The following LINGO2 variants were observed in gnomAD, a reference collection of about 807,000 sequenced individuals.
LINGO2 encodes the protein leucine-rich repeat and immunoglobulin-like domain-containing nogo receptor-interacting protein 2.
A neutral mutation model predicts 30.6 loss-of-function variants in LINGO2; 14 were observed. The observed-to-expected ratio is 0.46, with a 90% CI of 0.30 to 0.72. The LOEUF is 0.72. Ranked by LOEUF, LINGO2 falls within the 30% of genes least tolerant of loss-of-function variation. The pLI, the probability that LINGO2 is intolerant of heterozygous loss-of-function variation, is 0.07. For synonymous variants in LINGO2, 317 were observed against 288.5 expected, an observed-to-expected ratio of 1.10 and a Z score of -1.00; for missense variants, 729 against 751.7, an observed-to-expected ratio of 0.97 and a Z score of 0.35.
At chr9:29,019,615 T>C in the LINGO2 span, among the ~76,000 whole-genome samples, 13 of 152,184 alleles carry the variant, frequency 8.5e-5, no homozygotes, top group African/African-American at 2.2e-4. Flanking sequence ...ACTCTGCTTA[T>C]TCAGGAACAG....
chr9:28,508,577 T>C (rs1051986258), intron 1 of LINGO2, among the ~76,000 whole-genome samples: 1 of 152,174 alleles, frequency 6.6e-6, no homozygotes, highest in African/African-American at 2.4e-5. Context: ...CACTTATATT[T>C]ATCTAACTAC....
chr9:28,376,616 TA>T (rs1821142919), intron 2 of LINGO2, among the ~76,000 whole-genome samples: 1 of 152,202 alleles, frequency 6.6e-6, no homozygotes, highest in African/African-American at 2.4e-5. Flanking sequence ...CAGCTCATGC[TA>T]ATGACTGATT....
chr9:29,207,056 T>C, the LINGO2 span, among the ~76,000 whole-genome samples: 1 of 151,818 alleles, frequency 6.6e-6, no homozygotes, highest in Non-Finnish European at 1.5e-5. Flanking sequence ...TATATGTAAA[T>C]ATACATATGT....
the LINGO2 span, among the ~76,000 whole-genome samples, chr9:29,206,224 ATTCATGGGAGCAT>A: frequency 6.6e-6 from 1 of 152,216 alleles, no homozygotes; most frequent in Non-Finnish European, 1.5e-5. Flanking sequence ...ATTGCTAGAG[ATTCATGGGAGCAT>A]TTCTAAGGAT....
the LINGO2 span, among the ~76,000 whole-genome samples, chr9:29,000,652 A>G: frequency 6.6e-6 from 1 of 151,952 alleles, no homozygotes; most frequent in Admixed American, 6.6e-5. Flanking sequence ...AATACGAAAT[A>G]CAAACATAGA....
chr9:28,733,578 T>C, the LINGO2 span, among the ~76,000 whole-genome samples: 2 of 152,174 alleles, frequency 1.3e-5, no homozygotes, highest in South Asian at 2.1e-4. Flanking sequence ...AACACACTTA[T>C]GATAGGTCAC....
intron 2 of LINGO2, among the ~76,000 whole-genome samples, chr9:28,413,570 G>A (rs1453554809): frequency 1.3e-5 from 2 of 151,958 alleles, no homozygotes; most frequent in Non-Finnish European, 2.9e-5. Context: ...TTCATCTGAA[G>A]AAAAAAGAAA....
In LINGO2 at chr9:27,990,038, T is replaced by C. The variant is rs145638108; in HGVS notation, c.-36+22317A>G. On this transcript the variant is annotated intron_variant, in intron 5 of 5. Coordinates refer to ENST00000379992, the Ensembl canonical transcript of LINGO2. ...CACAGATCATTCCCTATTGCTATAG[T>C]GCATACTAAGCAATCATTCCTTTGA... is the stretch of plus-strand genomic sequence containing the variant. Among the ~76,000 whole-genome samples the C allele has an allele frequency of 7.4e-3, 1,132 of 152,150 alleles. 15 individuals carry two copies. Among genetic ancestry groups the C allele is most frequent in the African/African-American group, 0.026 (1,083 of 41,526 alleles).
At chr9:28,711,159 T>C in the LINGO2 span, among the ~76,000 whole-genome samples, 1 of 152,154 alleles carries the variant, frequency 6.6e-6, no homozygotes, top group Admixed American at 6.6e-5. Context: ...AATGTATTTA[T>C]TAAGTGATAA....
chr9:28,666,687 C>A (rs1828813603), intron 1 of LINGO2, among the ~76,000 whole-genome samples: 1 of 152,024 alleles, frequency 6.6e-6, no homozygotes, highest in Admixed American at 6.5e-5. Flanking sequence ...TTTTCACAGA[C>A]TAGTAAACTA....
At chr9:28,877,693 C>T in the LINGO2 span, among the ~76,000 whole-genome samples, 1 of 152,132 alleles carries the variant, frequency 6.6e-6, no homozygotes, top group Non-Finnish European at 1.5e-5. Flanking sequence ...CGTGATGCCT[C>T]CAGCTTTGTT....
intron 4 of LINGO2, among the ~76,000 whole-genome samples, chr9:28,219,500 C>T (rs1050575808): frequency 6.6e-6 from 1 of 152,100 alleles, no homozygotes; most frequent in African/African-American, 2.4e-5. Flanking sequence ...ATTTATTTCT[C>T]TTGTTGGAAG....
chr9:28,884,980 A>AT, the LINGO2 span, among the ~76,000 whole-genome samples: 102 of 23,852 alleles, frequency 4.3e-3, 17 homozygotes, highest in South Asian at 0.013. Context: ...TAATATATAT[A>AT]ATATATAATA....
chr9:28,331,884 G>C (rs901260040), intron 3 of LINGO2, among the ~76,000 whole-genome samples: 15 of 152,116 alleles, frequency 9.9e-5, no homozygotes, highest in African/African-American at 3.1e-4. Context: ...TCACTAACCT[G>C]GATGTGGTGG....
At chr9:28,190,021 C>T (rs960158805) in intron 4 of LINGO2, among the ~76,000 whole-genome samples, 2 of 152,110 alleles carry the variant, frequency 1.3e-5, no homozygotes, top group African/African-American at 4.8e-5. Context: ...GCCTCTTAAT[C>T]TTGGGTCCAT....
At chr9:28,842,090 A>T in the LINGO2 span, among the ~76,000 whole-genome samples, 1 of 139,108 alleles carries the variant, frequency 7.2e-6, no homozygotes, top group African/African-American at 2.5e-5. Flanking sequence ...AATGAAACTG[A>T]ACTAAGAAAG....
chr9:28,940,234 C>T, the LINGO2 span, among the ~76,000 whole-genome samples: 1 of 152,100 alleles, frequency 6.6e-6, no homozygotes, highest in Non-Finnish European at 1.5e-5. Context: ...CTCTGTTGCT[C>T]TGTCAGGTGA....
At chr9:28,441,500 A>T (rs1343651424) in intron 2 of LINGO2, among the ~76,000 whole-genome samples, 1 of 151,908 alleles carries the variant, frequency 6.6e-6, no homozygotes, top group Non-Finnish European at 1.5e-5. Flanking sequence ...TTATTGAAAA[A>T]GCAGATTCCT....
the LINGO2 span, among the ~76,000 whole-genome samples, chr9:28,856,439 T>C: frequency 6.6e-6 from 1 of 152,028 alleles, no homozygotes; most frequent in African/African-American, 2.4e-5. Flanking sequence ...ATGGTGGTTC[T>C]ATGTGTTTTA....
Sources: gnomAD v4.1 joint callset for allele counts (sites outside exome capture counted in the v4.1 genomes callset) on GRCh38, gnomAD v4.1.1 for gene constraint, MANE v1.5 for transcripts, NCBI Gene and HGNC (gene_info 2026-07-23, HGNC 2026-07-21) for gene names.